The following ERC2 variants were observed in gnomAD, a reference collection of about 807,000 sequenced individuals.
The protein encoded by ERC2 is ERC protein 2.
Under a neutral mutation model 114.8 loss-of-function variants are expected in ERC2, and 42 were observed. The ratio of observed to expected loss-of-function variants is 0.37; its 90% CI spans 0.29 to 0.47. The LOEUF (loss-of-function observed/expected upper bound fraction) is 0.47, where lower values mean the gene tolerates loss of function less well. Ranked by LOEUF, ERC2 falls within the 20% of genes least tolerant of loss-of-function variation. The pLI is 0.99. For missense variants in ERC2, 939 were observed against 1,150.7 expected (o/e 0.82, Z 2.66); for synonymous variants, 454 against 425.5 (o/e 1.07, Z -0.82).
chr3:56,404,981 G>A (rs765057616), intron 2 of ERC2, among the ~76,000 whole-genome samples: 6 of 152,110 alleles, frequency 3.9e-5, no homozygotes, highest in Non-Finnish European at 7.3e-5. Context: ...TCAACATGTG[G>A]GTGGGAAGGT....
At chr3:56,356,959 C>G (rs993760762) in intron 2 of ERC2, among the ~76,000 whole-genome samples, 3 of 152,182 alleles carry the variant, frequency 2.0e-5, no homozygotes, top group Non-Finnish European at 4.4e-5. Context: ...AGCTGGAACA[C>G]AAACCCACAA....
At chr3:55,682,472 C>T (rs983110165) in intron 17 of ERC2, among the ~76,000 whole-genome samples, 5 of 152,080 alleles carry the variant, frequency 3.3e-5, no homozygotes, top group African/African-American at 9.7e-5. Context: ...CTGTGAACTG[C>T]CCCCTCAGTA....
chr3:55,958,253 G>A (rs187860377), intron 12 of ERC2, among the ~76,000 whole-genome samples: 3 of 152,300 alleles, frequency 2.0e-5, no homozygotes. Context: ...GTCCTGAAGA[G>A]TCGAGGAGAT....
rs186702228 is a variant in ERC2, at chr3:55,891,706, A to C, written c.2404-3157T>G. Among the ~76,000 whole-genome samples the C allele has an allele frequency of 2.4e-3, 367 of 152,072 alleles. 1 individual carries two copies. Among genetic ancestry groups the C allele is most frequent in the Middle Eastern group, 0.014 (4 of 292 alleles). On this transcript the variant is annotated intron_variant, in intron 13 of 17. Transcript: ENST00000288221. ...ATGATCCACCCGCCTTGGCCTCCCA[A>C]AGTGCTGGGATTACAGGCATGAGCC...
chr3:55,522,326 C>T (rs2053014624), intron 17 of ERC2, among the ~76,000 whole-genome samples: 1 of 152,140 alleles, frequency 6.6e-6, no homozygotes, highest in African/African-American at 2.4e-5. Flanking sequence ...CACCTGCAAA[C>T]AAAGGAACAG....
chr3:55,772,366 G>A (rs2149028985), intron 14 of ERC2, among the ~76,000 whole-genome samples: 1 of 152,056 alleles, frequency 6.6e-6, no homozygotes, highest in Middle Eastern at 3.4e-3. Context: ...CCAGGCTGGA[G>A]TGCAGTGGCG....
chr3:56,032,909 A>AGAGAGAG (rs1560056192), intron 7 of ERC2, among the ~76,000 whole-genome samples: 37 of 56,878 alleles, frequency 6.5e-4, no homozygotes, highest in East Asian at 1.2e-3. Context: ...GACAGAAAGA[A>AGAGAGAG]AGAAAGAAAG....
chr3:55,594,960 CCAT>C (rs1437328796), intron 17 of ERC2, among the ~76,000 whole-genome samples: 1 of 152,280 alleles, frequency 6.6e-6, no homozygotes, highest in Admixed American at 6.5e-5. Flanking sequence ...ATCTTCACCA[CCAT>C]AATTCCCACC....
Position 55,952,916 on chromosome 3 carries a change from G to A in ERC2, c.2268-2356C>T, listed in dbSNP as rs192084815. Among the ~76,000 whole-genome samples the A allele has an allele frequency of 5.9e-4, 89 of 152,114 alleles. 1 individual carries two copies. The East Asian group carries it at 0.017, about 28-fold the overall frequency. ...CCTGAATTAAGAAAGAGTGGCGGCC[G>A]GGCACGGTGGCTCACACCTGTAATC... is the stretch of plus-strand genomic sequence containing the variant. On this transcript the variant is annotated intron_variant, in intron 12 of 17. Transcript: ENST00000288221.
chr3:56,451,726 A>C (rs911029911), intron 1 of ERC2, among the ~76,000 whole-genome samples: 2 of 152,246 alleles, frequency 1.3e-5, no homozygotes, highest in Non-Finnish European at 2.9e-5. Flanking sequence ...AAGGGAAATT[A>C]CAGGACATAA....
intron 17 of ERC2, among the ~76,000 whole-genome samples, chr3:55,571,949 A>T (rs1350003719): frequency 6.6e-6 from 1 of 152,180 alleles, no homozygotes; most frequent in African/African-American, 2.4e-5. Flanking sequence ...CCTTCCTTAC[A>T]AGATAATGTG....
At chr3:55,799,750 A>G (rs547753752) in intron 14 of ERC2, among the ~76,000 whole-genome samples, 1 of 152,066 alleles carries the variant, frequency 6.6e-6, no homozygotes, top group Non-Finnish European at 1.5e-5. Flanking sequence ...AAAACACCTA[A>G]TATCTTGTTG....
intron 3 of ERC2, among the ~76,000 whole-genome samples, chr3:56,230,722 T>G (rs2050564518): frequency 6.6e-6 from 1 of 152,222 alleles, no homozygotes; most frequent in Non-Finnish European, 1.5e-5. Context: ...TAGAGCTAAA[T>G]GAAACATTTG....
chr3:55,699,550 G>T, intron 15 of ERC2, 38 bp from the exon 16 acceptor site: 2 of 1,570,694 alleles, frequency 1.3e-6, no homozygotes, highest in Non-Finnish European at 1.7e-6. Flanking sequence ...TCCATCAGGA[G>T]CCAGAAGATC....
rs1488012816 is a variant in ERC2 at position 56,145,345 on chromosome 3, T to G, written c.1305+3632A>C. On this transcript the variant is annotated intron_variant, in intron 5 of 17. Coordinates refer to ENST00000288221, the MANE Select transcript of ERC2 (RefSeq NM_015576.3). ...GCTAATATAGAAATACTGGAATGAGTAGATGAAAAATGTGCTAGACTAGGA... is the reference window on the plus strand; with the variant it reads ...GCTAATATAGAAATACTGGAATGAGGAGATGAAAAATGTGCTAGACTAGGA... 3.3e-5 allele frequency among the ~76,000 whole-genome samples: 5 copies of G among 152,164 alleles called. No homozygotes were observed. The South Asian group carries it at 1.0e-3, about 32-fold the overall frequency.
In ERC2 at chr3:56,107,291, A is replaced by G. The variant is rs2078722899; in HGVS notation, c.1474-26307T>C. Among the ~76,000 whole-genome samples the G allele has an allele frequency of 2.0e-5, 3 of 151,874 alleles. No homozygotes were observed. In the South Asian group the frequency reaches 6.2e-4, roughly 32 times the overall value. ...TTTTTTTTTTTTTGCTAATTTTAAA[A>G]GAGTTGCAGTTACTTGCTAGCATAA... On this transcript the variant is annotated intron_variant, in intron 6 of 17. Coordinates refer to ENST00000288221, the MANE Select transcript of ERC2 (RefSeq NM_015576.3).
intron 6 of ERC2, among the ~76,000 whole-genome samples, chr3:56,106,940 G>A (rs2078695908): frequency 6.6e-6 from 1 of 152,138 alleles, no homozygotes; most frequent in African/African-American, 2.4e-5. Flanking sequence ...TAATCACCAC[G>A]GTGAATCAAT....
At chr3:55,800,651 T>C (rs1310894333) in intron 14 of ERC2, among the ~76,000 whole-genome samples, 3 of 151,640 alleles carry the variant, frequency 2.0e-5, no homozygotes, top group Non-Finnish European at 2.9e-5. Flanking sequence ...AAAACAAGAG[T>C]AGAGGCCAAG....
intron 17 of ERC2, among the ~76,000 whole-genome samples, chr3:55,518,153 T>A (rs952774476): frequency 6.6e-6 from 1 of 152,138 alleles, no homozygotes; most frequent in Non-Finnish European, 1.5e-5. Context: ...CAAATATCCC[T>A]GGGAGATAAA....
Sources: allele counts gnomAD v4.1 joint callset (sites outside exome capture counted in the v4.1 genomes callset), GRCh38; gene constraint gnomAD v4.1.1; transcripts MANE v1.5; gene names NCBI Gene and HGNC (gene_info 2026-07-23, HGNC 2026-07-21).